Variants in NDST3 observed in about 807,000 individuals in gnomAD.
The protein encoded by NDST3 is N-deacetylase and N-sulfotransferase 3, also known as bifunctional heparan sulfate N-deacetylase/N-sulfotransferase 3.
A neutral mutation model predicts 96.1 loss-of-function variants in NDST3; 58 were observed. The observed-to-expected ratio is 0.60, with a 90% CI of 0.49 to 0.75. The LOEUF (loss-of-function observed/expected upper bound fraction) is 0.75, where lower values mean the gene tolerates loss of function less well. NDST3 is among the 30% of genes least tolerant of loss of function. NDST3 has a pLI of 0.00. For missense variants in NDST3, 788 were observed against 1,034.2 expected (o/e 0.76, Z 3.27); for synonymous variants, 333 against 359.7 (o/e 0.93, Z 0.84).
intron 6 of NDST3, among the ~76,000 whole-genome samples, chr4:118,166,290 T>C (rs1735546206): frequency 6.6e-6 from 1 of 151,696 alleles, no homozygotes; most frequent in Non-Finnish European, 1.5e-5. Flanking sequence ...CACTGATAAA[T>C]TGGAATAACC....
chr4:118,247,938 A>G (rs2126011059), intron 12 of NDST3, among the ~76,000 whole-genome samples: 1 of 152,332 alleles, frequency 6.6e-6, no homozygotes, highest in South Asian at 2.1e-4. Flanking sequence ...GTATTCACCC[A>G]TAGAAATGGT....
At chr4:118,254,663 AT>A (rs903732567) in intron 13 of NDST3, among the ~76,000 whole-genome samples, 11 of 151,982 alleles carry the variant, frequency 7.2e-5, no homozygotes, top group Non-Finnish European at 1.5e-4. Context: ...TGATTTGTAA[AT>A]TTTTTTTAGA....
At chr4:118,126,204 C>T (rs984116504) in intron 4 of NDST3, among the ~76,000 whole-genome samples, 1 of 151,988 alleles carries the variant, frequency 6.6e-6, no homozygotes, top group Admixed American at 6.6e-5. Flanking sequence ...TCAAATAGTA[C>T]ATATTATTCA....
intron 6 of NDST3, among the ~76,000 whole-genome samples, chr4:118,169,620 C>G (rs938260033): frequency 1.6e-4 from 24 of 150,254 alleles, no homozygotes; most frequent in Admixed American, 8.6e-4. Context: ...ATGGCAAAAC[C>G]CCGTCTTTAC....
chr4:118,118,075 G>T (rs1455377425), intron 4 of NDST3, among the ~76,000 whole-genome samples: 1 of 152,160 alleles, frequency 6.6e-6, no homozygotes, highest in Non-Finnish European at 1.5e-5. Flanking sequence ...CTCATGTGTA[G>T]TTACAGAATC....
intron 2 of NDST3, among the ~76,000 whole-genome samples, chr4:118,071,926 T>C (rs561204315): frequency 2.7e-4 from 41 of 152,284 alleles, no homozygotes; most frequent in African/African-American, 9.9e-4. Flanking sequence ...TGTTGACTTT[T>C]TAAGAATAGC....
At chr4:118,184,667 GT>G (rs1736827553) in intron 6 of NDST3, among the ~76,000 whole-genome samples, 1 of 144,758 alleles carries the variant, frequency 6.9e-6, no homozygotes, top group African/African-American at 2.5e-5. Context: ...TGTTGGTTCT[GT>G]TTCTCTAGAG....
At chr4:118,134,466 G>A (rs750560508) in intron 4 of NDST3, among the ~76,000 whole-genome samples, 1 of 152,118 alleles carries the variant, frequency 6.6e-6, no homozygotes, top group Non-Finnish European at 1.5e-5. Flanking sequence ...AAAGGCAATG[G>A]GATAAGATGG....
At chr4:118,128,222 T>C (rs1317996766) in intron 4 of NDST3, among the ~76,000 whole-genome samples, 1 of 152,066 alleles carries the variant, frequency 6.6e-6, no homozygotes, top group Non-Finnish European at 1.5e-5. Context: ...CAGTGCTATG[T>C]TGAATAACAG....
intron 6 of NDST3, among the ~76,000 whole-genome samples, chr4:118,183,924 G>T (rs1025946892): frequency 6.6e-6 from 1 of 152,198 alleles, no homozygotes; most frequent in Non-Finnish European, 1.5e-5. Context: ...AATCTTGGCT[G>T]TAGCCTGCAC....
At chr4:118,058,202 A>G (rs1725589231) in intron 2 of NDST3, among the ~76,000 whole-genome samples, 2 of 152,040 alleles carry the variant, frequency 1.3e-5, no homozygotes, top group African/African-American at 4.8e-5. Flanking sequence ...GGAGAGTGCA[A>G]GACATAAATT....
intron 6 of NDST3, among the ~76,000 whole-genome samples, chr4:118,179,665 C>A (rs969305564): frequency 3.3e-5 from 5 of 151,830 alleles, no homozygotes; most frequent in African/African-American, 1.2e-4. Flanking sequence ...TAATAAAATC[C>A]AGAAACAGCC....
At chr4:118,108,935 T>C (rs539896314) in intron 3 of NDST3, among the ~76,000 whole-genome samples, 10 of 152,202 alleles carry the variant, frequency 6.6e-5, no homozygotes, top group Non-Finnish European at 1.3e-4. Flanking sequence ...TTATGATTCA[T>C]TGAGTTGGTT....
intron 6 of NDST3, among the ~76,000 whole-genome samples, chr4:118,154,638 A>C (rs1390747820): frequency 6.6e-6 from 1 of 152,178 alleles, no homozygotes; most frequent in Non-Finnish European, 1.5e-5. Context: ...GGACTATTAA[A>C]CTGGAAAAGA....
chr4:118,133,613 C>A (rs1732825300), intron 4 of NDST3, among the ~76,000 whole-genome samples: 1 of 152,128 alleles, frequency 6.6e-6, no homozygotes, highest in Non-Finnish European at 1.5e-5. Context: ...GGCCTTCCTG[C>A]AGGGGGTACA....
At chr4:118,216,215 T>C (rs1274253699) in intron 6 of NDST3, among the ~76,000 whole-genome samples, 2 of 152,028 alleles carry the variant, frequency 1.3e-5, no homozygotes, top group African/African-American at 4.8e-5. Context: ...CCATTGCAGA[T>C]AGAATCTTGC....
intron 2 of NDST3, among the ~76,000 whole-genome samples, chr4:118,084,536 GAC>G (rs1728269059): frequency 6.6e-6 from 1 of 152,108 alleles, no homozygotes; most frequent in South Asian, 2.1e-4. Flanking sequence ...GAACTTTAAT[GAC>G]AGTGTGACAT....
Position 118,166,683 on chromosome 4 carries a change from TA to T in NDST3, c.1539+23003del, listed in dbSNP as rs542904645. On this transcript the variant is annotated intron_variant, in intron 6 of 13. Coordinates refer to ENST00000296499, the MANE Select transcript of NDST3 (RefSeq NM_004784.3). ...GTGCAAACTAAATTCAACAGCACAT[TA>T]AAAGGTTATACACCATGACTAAGTG... 1.7e-3 allele frequency among the ~76,000 whole-genome samples: 256 copies of T among 152,008 alleles called. 1 individual carries two copies. The highest frequency in any genetic ancestry group is 2.8e-3 in the Non-Finnish European group (192 of 67,822).
chr4:118,095,176 A>T (rs889100759), intron 2 of NDST3, among the ~76,000 whole-genome samples: 4 of 151,894 alleles, frequency 2.6e-5, no homozygotes, highest in African/African-American at 9.7e-5. Flanking sequence ...AAACCACATG[A>T]GTATTTGGGG....
Sources: allele counts gnomAD v4.1 joint callset (sites outside exome capture counted in the v4.1 genomes callset), GRCh38; gene constraint gnomAD v4.1.1; transcripts MANE v1.5; gene names NCBI Gene and HGNC (gene_info 2026-07-23, HGNC 2026-07-21).